The following DENND5B variants were observed in gnomAD, a reference collection of about 807,000 sequenced individuals.
The protein encoded by DENND5B is DENN domain-containing protein 5B.
DENND5B carries 34 observed loss-of-function variants against 140.6 expected under a neutral mutation model. The ratio of observed to expected loss-of-function variants is 0.24; its 90% CI spans 0.18 to 0.32. DENND5B has a LOEUF of 0.32. Ranked by LOEUF, DENND5B falls within the 10% of genes least tolerant of loss-of-function variation. The pLI is 1.00. For missense variants in DENND5B, 1,142 were observed against 1,560.2 expected (o/e 0.73, Z 4.52); for synonymous variants, 551 against 562.1 (o/e 0.98, Z 0.28).
chr12:31,457,718 CT>C (rs772159819), intron 4 of DENND5B, among the ~76,000 whole-genome samples: 198 of 144,030 alleles, frequency 1.4e-3, no homozygotes, highest in Non-Finnish European at 1.2e-3. Flanking sequence ...ATTTTCTTTT[CT>C]TTTTTTTTTT....
chr12:31,497,811 A>ATGGGGAGGGGAGGG (rs1384370606), intron 1 of DENND5B, among the ~76,000 whole-genome samples: 1 of 4,336 alleles, frequency 2.3e-4, no homozygotes, highest in Admixed American at 3.4e-3. Flanking sequence ...GGGGAGGGGC[A>ATGGGGAGGGGAGGG]GCGGAGGGGG....
In DENND5B at chr12:31,486,708, G is replaced by A. The variant is rs116200659; in HGVS notation, c.238-6453C>T. ...TGGTAGGCGGATGGATTGTCATGCA[G>A]CGATAGATAATCAAAATACTTCCTT... On this transcript the variant is annotated intron_variant, in intron 2 of 20. Transcript: ENST00000389082. 1.0e-2 allele frequency among the ~76,000 whole-genome samples: 1,517 copies of A among 152,326 alleles called. 26 individuals are homozygous for A. The highest frequency in any genetic ancestry group is 0.034 in the African/African-American group (1,430 of 41,564).
intron 1 of DENND5B, among the ~76,000 whole-genome samples, chr12:31,546,305 C>A (rs1400809559): frequency 1.3e-5 from 2 of 152,116 alleles, no homozygotes. Context: ...TTCCCCAAAT[C>A]TTTACCAAAA....
intron 1 of DENND5B, among the ~76,000 whole-genome samples, chr12:31,535,731 G>A (rs1192264462): frequency 6.6e-6 from 1 of 152,118 alleles, no homozygotes; most frequent in Non-Finnish European, 1.5e-5. Flanking sequence ...ACTCTTCAAT[G>A]CCCAGACACC....
At chr12:31,532,970 T>C (rs1948340241) in intron 1 of DENND5B, among the ~76,000 whole-genome samples, 2 of 152,320 alleles carry the variant, frequency 1.3e-5, no homozygotes, top group South Asian at 4.1e-4. Flanking sequence ...TCACAATTTG[T>C]AGGCATCGGT....
At chr12:31,572,790 G>A (rs1423748679) in intron 1 of DENND5B, among the ~76,000 whole-genome samples, 1 of 152,070 alleles carries the variant, frequency 6.6e-6, no homozygotes, top group African/African-American at 2.4e-5. Flanking sequence ...CAACAAATAG[G>A]GAATAAACAG....
intron 14 of DENND5B, among the ~76,000 whole-genome samples, chr12:31,403,637 C>T (rs1941946414): frequency 6.7e-6 from 1 of 149,210 alleles, no homozygotes; most frequent in Non-Finnish European, 1.5e-5. Flanking sequence ...GATGTGGTGG[C>T]CTGTAATCCT....
intron 1 of DENND5B, among the ~76,000 whole-genome samples, chr12:31,553,890 G>T (rs1949168385): frequency 6.6e-6 from 1 of 152,210 alleles, no homozygotes; most frequent in African/African-American, 2.4e-5. Flanking sequence ...TGCAACCCCT[G>T]CCTTTTTTTG....
chr12:31,402,856 G>GT (rs1941881431), intron 14 of DENND5B, among the ~76,000 whole-genome samples: 2 of 151,990 alleles, frequency 1.3e-5, no homozygotes, highest in South Asian at 2.1e-4. Flanking sequence ...CGTAGCAGTG[G>GT]TTTTCACAGC....
At chr12:31,545,262 C>A (rs1460406354) in intron 1 of DENND5B, among the ~76,000 whole-genome samples, 1 of 151,922 alleles carries the variant, frequency 6.6e-6, no homozygotes, top group Non-Finnish European at 1.5e-5. Context: ...ATTTTAGATA[C>A]AGGGGGTACA....
chr12:31,511,439 T>C (rs984801041), intron 1 of DENND5B, among the ~76,000 whole-genome samples: 23 of 152,116 alleles, frequency 1.5e-4, no homozygotes, highest in African/African-American at 5.6e-4. Context: ...CAAATATTAA[T>C]TGATGTGTTA....
At chr12:31,504,112 T>C (rs1947107057) in intron 1 of DENND5B, among the ~76,000 whole-genome samples, 1 of 152,226 alleles carries the variant, frequency 6.6e-6, no homozygotes. Context: ...TAAGTACATC[T>C]GATTCAAGTG....
chr12:31,427,959 TAAAA>T (rs966758415), intron 8 of DENND5B, among the ~76,000 whole-genome samples: 7 of 152,020 alleles, frequency 4.6e-5, no homozygotes, highest in Admixed American at 2.6e-4. Context: ...CTGGTACAAA[TAAAA>T]AAAATCCCAC....
At chr12:31,469,314 C>A in intron 3 of DENND5B, among the ~76,000 whole-genome samples, 1 of 125,824 alleles carries the variant, frequency 7.9e-6, no homozygotes, top group Non-Finnish European at 1.6e-5. Flanking sequence ...GCCTGGGTGA[C>A]AGAGACAGAC....
intron 1 of DENND5B, among the ~76,000 whole-genome samples, chr12:31,544,602 T>C (rs1284417773): frequency 2.6e-5 from 4 of 151,884 alleles, no homozygotes; most frequent in African/African-American, 9.7e-5. Flanking sequence ...ATCAAATCTA[T>C]GAATATGAAT....
intron 6 of DENND5B, chr12:31,443,838 A>G (rs1193354596): frequency 6.6e-6 from 1 of 152,198 alleles, no homozygotes; most frequent in Non-Finnish European, 1.5e-5. Context: ...GTAATACAGC[A>G]AAAAGTCATA....
intron 5 of DENND5B, among the ~76,000 whole-genome samples, chr12:31,449,154 G>T (rs747641688): frequency 6.6e-6 from 1 of 152,182 alleles, no homozygotes; most frequent in Non-Finnish European, 1.5e-5. Flanking sequence ...AGCCAGAAGG[G>T]GAAAGGGGAA....
chr12:31,575,490 T>C (rs1218739225), intron 1 of DENND5B, among the ~76,000 whole-genome samples: 2 of 152,194 alleles, frequency 1.3e-5, no homozygotes, highest in African/African-American at 2.4e-5. Flanking sequence ...GTTTTAGTCC[T>C]GATCTACAGC....
intron 10 of DENND5B, among the ~76,000 whole-genome samples, chr12:31,423,923 A>T (rs1943130101): frequency 6.6e-6 from 1 of 152,200 alleles, no homozygotes; most frequent in Admixed American, 6.5e-5. Context: ...GGCAGGCAGA[A>T]GATTTCTGAT....
Sources: gnomAD v4.1 joint callset for allele counts (sites outside exome capture counted in the v4.1 genomes callset) on GRCh38, gnomAD v4.1.1 for gene constraint, MANE v1.5 for transcripts, NCBI Gene and HGNC (gene_info 2026-07-23, HGNC 2026-07-21) for gene names.